Variants in METTL8 observed in about 807,000 individuals in gnomAD.
METTL8 encodes methyltransferase 8, tRNA N3-cytidine.
In METTL8, 32 loss-of-function variants were observed where a neutral mutation model predicts 48.7. The observed-to-expected ratio is 0.66, with a 90% CI of 0.50 to 0.88. METTL8 has a LOEUF of 0.88. Ranked by LOEUF, METTL8 falls within the 40% of genes least tolerant of loss-of-function variation. The pLI is 0.00. For synonymous variants in METTL8, 136 were observed against 157.1 expected, an observed-to-expected ratio of 0.87 and a Z score of 1.01; for missense variants, 464 against 474.4, an observed-to-expected ratio of 0.98 and a Z score of 0.20.
At chr2:171,405,501 T>G (rs1307264764) in intron 1 of METTL8, among the ~76,000 whole-genome samples, 1 of 152,128 alleles carries the variant, frequency 6.6e-6, no homozygotes, top group African/African-American at 2.4e-5. Context: ...TTAATCAATA[T>G]ATAAGTCACT....
intron 1 of METTL8, among the ~76,000 whole-genome samples, chr2:171,409,155 G>T (rs1690487622): frequency 6.6e-6 from 1 of 152,170 alleles, no homozygotes; most frequent in Non-Finnish European, 1.5e-5. Flanking sequence ...GGCTAAGCCG[G>T]GACTTGAAGT....
intron 2 of METTL8, among the ~76,000 whole-genome samples, chr2:171,379,433 A>G (rs1250878929): frequency 6.7e-6 from 1 of 149,956 alleles, no homozygotes. Context: ...GGAGATAGAG[A>G]CACAAAAAAC....
chr2:171,418,479 C>T (rs1274553099), intron 1 of METTL8, among the ~76,000 whole-genome samples: 3 of 152,132 alleles, frequency 2.0e-5, no homozygotes, highest in African/African-American at 7.2e-5. Flanking sequence ...AATATCTACA[C>T]AAAATATTTG....
chr2:171,356,391 G>C (rs1684542316), intron 3 of METTL8, among the ~76,000 whole-genome samples: 1 of 152,112 alleles, frequency 6.6e-6, no homozygotes, highest in African/African-American at 2.4e-5. Context: ...CACCCACCTT[G>C]GGCTCCCAAA....
intron 1 of METTL8, among the ~76,000 whole-genome samples, chr2:171,392,895 G>A (rs112222083): frequency 0.038 from 5,781 of 150,392 alleles, 357 homozygotes; most frequent in African/African-American, 0.13. Flanking sequence ...TCAGGAGTTC[G>A]AGACCAGCCT....
intron 3 of METTL8, among the ~76,000 whole-genome samples, chr2:171,352,605 T>G (rs1575803914): frequency 6.6e-6 from 1 of 152,204 alleles, no homozygotes; most frequent in Non-Finnish European, 1.5e-5. Flanking sequence ...TCCTGGACTT[T>G]TTTTGGTTGG....
At chr2:171,368,641 C>G (rs943869047) in intron 2 of METTL8, among the ~76,000 whole-genome samples, 3 of 151,506 alleles carry the variant, frequency 2.0e-5, no homozygotes, top group Non-Finnish European at 4.4e-5. Flanking sequence ...CTACATCAAA[C>G]AGGGAACCAA....
intron 1 of METTL8, among the ~76,000 whole-genome samples, chr2:171,419,239 T>C (rs1559211445): frequency 6.6e-6 from 1 of 152,206 alleles, no homozygotes; most frequent in Non-Finnish European, 1.5e-5. Context: ...TAGGTTGTCC[T>C]TGCTTCTCAG....
chr2:171,388,674 G>T (rs1306589685), intron 2 of METTL8, among the ~76,000 whole-genome samples: 1 of 152,168 alleles, frequency 6.6e-6, no homozygotes, highest in Non-Finnish European at 1.5e-5. Context: ...ACACTTCACA[G>T]CTATTGCATT....
intron 2 of METTL8, among the ~76,000 whole-genome samples, chr2:171,390,251 C>T (rs965192967): frequency 6.6e-6 from 1 of 152,216 alleles, no homozygotes; most frequent in African/African-American, 2.4e-5. Context: ...AATACTACTG[C>T]TCACTGACAA....
At chr2:171,389,761 G>A (rs1421683444) in intron 2 of METTL8, among the ~76,000 whole-genome samples, 2 of 152,148 alleles carry the variant, frequency 1.3e-5, no homozygotes, top group African/African-American at 4.8e-5. Context: ...GTTGGTTCAT[G>A]AGGTTTAAGG....
chr2:171,379,287 A>G (rs1345465779), intron 2 of METTL8, among the ~76,000 whole-genome samples: 1 of 152,238 alleles, frequency 6.6e-6, no homozygotes, highest in Admixed American at 6.5e-5. Flanking sequence ...ATAACACTAA[A>G]TGCCCACATT....
intron 7 of METTL8, 29 bp from the exon 8 acceptor site, chr2:171,326,177 C>G: frequency 8.1e-7 from 1 of 1,227,746 alleles, no homozygotes; most frequent in Non-Finnish European, 1.2e-6. Context: ...AAAAAGATAC[C>G]CAGTTTGTAG....
intron 1 of METTL8, among the ~76,000 whole-genome samples, chr2:171,424,124 C>G (rs934443502): frequency 1.3e-5 from 2 of 152,286 alleles, no homozygotes; most frequent in African/African-American, 4.8e-5. Flanking sequence ...ATTGGGCCTG[C>G]GGGTGCACAG....
chr2:171,350,116 C>T (rs985459332), intron 3 of METTL8, among the ~76,000 whole-genome samples: 16 of 152,118 alleles, frequency 1.1e-4, no homozygotes, highest in East Asian at 7.7e-4. Flanking sequence ...TCCCCACTCC[C>T]GCCACCCCAC....
chr2:171,352,838 A>G (rs1420191707), intron 3 of METTL8, among the ~76,000 whole-genome samples: 1 of 151,790 alleles, frequency 6.6e-6, no homozygotes, highest in Non-Finnish European at 1.5e-5. Flanking sequence ...TTTTTATTGC[A>G]TCTGTTTGAT....
chr2:171,378,759 A>C (rs1046474224), intron 2 of METTL8, among the ~76,000 whole-genome samples: 1 of 152,240 alleles, frequency 6.6e-6, no homozygotes, highest in Non-Finnish European at 1.5e-5. Flanking sequence ...TTCATAAAAC[A>C]AGTTCTTAGA....
At chr2:171,371,356 C>T (rs989434445) in intron 2 of METTL8, among the ~76,000 whole-genome samples, 3 of 151,580 alleles carry the variant, frequency 2.0e-5, no homozygotes, top group Admixed American at 1.3e-4. Flanking sequence ...TTTCATTTTT[C>T]ATTATTAATT....
Position 171,318,990 on chromosome 2 carries a change from A to G in METTL8, c.*5182T>C, listed in dbSNP as rs1684394063. On this transcript the variant is annotated 3_prime_UTR_variant, in exon 10 of 10. Transcript: ENST00000375258. The stretch of plus-strand genomic sequence containing the variant: ...ATTCCTAGGAGTTTGAGGATTAAAT[A>G]ATGTGTATAGTATACACAAAATCTA... 1 of 152,118 alleles carries G rather than the reference A, an allele frequency of 6.6e-6. No individual in the cohort carries two copies. Among genetic ancestry groups the G allele is most frequent in the Non-Finnish European group, 1.5e-5 (1 of 68,026 alleles). 9.4% of individuals were successfully genotyped at this position (152,118 alleles called of 1,614,324 possible).
Sources: gnomAD v4.1 joint callset for allele counts (sites outside exome capture counted in the v4.1 genomes callset) on GRCh38, gnomAD v4.1.1 for gene constraint, MANE v1.5 for transcripts, NCBI Gene and HGNC (gene_info 2026-07-23, HGNC 2026-07-21) for gene names.